The following MDH2 variants were observed in gnomAD, a reference collection of about 807,000 sequenced individuals.
MDH2 encodes the protein malate dehydrogenase 2.
Under a neutral mutation model 33.6 loss-of-function variants are expected in MDH2, and 25 were observed. The ratio of observed to expected loss-of-function variants is 0.74; its 90% confidence interval spans 0.54 to 1.04. The LOEUF is 1.04. Among genes scored for constraint, MDH2 ranks in the 50% least tolerant of loss-of-function variants. The pLI is 0.00. For missense variants in MDH2, 432 were observed against 445.0 expected, an observed-to-expected ratio of 0.97 and a Z score of 0.26; for synonymous variants, 193 against 188.7, an observed-to-expected ratio of 1.02 and a Z score of -0.19.
chr7:76,060,560 A>T, intron 5 of MDH2, 62 bp downstream of exon 5: 6 of 1,594,344 alleles, frequency 3.8e-6, no homozygotes, highest in Non-Finnish European at 5.1e-6. Flanking sequence ...ACCCGTGCTC[A>T]TTTACGGGCG....
intron 5 of MDH2, among the ~76,000 whole-genome samples, chr7:76,061,261 T>C (rs1174141216): frequency 2.0e-5 from 3 of 152,172 alleles, no homozygotes; most frequent in South Asian, 2.1e-4. Context: ...TGCGGCATGG[T>C]AGGAAGTGCA....
chr7:76,058,321 C>T, intron 4 of MDH2: 1 of 481,606 alleles, frequency 2.1e-6, no homozygotes, highest in Non-Finnish European at 3.7e-6. Context: ...GTGCTGTGGG[C>T]AGACCACGTC....
intron 1 of MDH2, chr7:76,054,474 C>A (rs1030570332): frequency 2.9e-4 from 80 of 278,172 alleles, no homozygotes; most frequent in Admixed American, 4.0e-4. Context: ...CCGGGAGGGC[C>A]TGTTGCTAGG....
intron 2 of MDH2, 38 bp downstream of exon 2, chr7:76,055,036 C>T (rs1554586049): frequency 2.6e-6 from 4 of 1,558,436 alleles, no homozygotes; most frequent in East Asian, 2.3e-5. Flanking sequence ...TGCTTCCTGT[C>T]CCCAGTAGGC....
chr7:76,060,600 G>A (rs572840089), intron 5 of MDH2, 102 bp downstream of exon 5: 54 of 1,501,292 alleles, frequency 3.6e-5, no homozygotes, highest in South Asian at 1.0e-4. Flanking sequence ...CCCAGGTCAC[G>A]TGTCACTTTG....
At chr7:76,051,669 T>TATAA (rs1554585454) in intron 1 of MDH2, among the ~76,000 whole-genome samples, 20 of 152,314 alleles carry the variant, frequency 1.3e-4, no homozygotes, top group Admixed American at 1.3e-3. Flanking sequence ...ATAGCCCCAA[T>TATAA]GTATTTACTT....
intron 1 of MDH2, among the ~76,000 whole-genome samples, chr7:76,053,671 C>T (rs6964165): frequency 0.052 from 7,941 of 152,146 alleles, 676 homozygotes; most frequent in African/African-American, 0.18. Flanking sequence ...TGCTGTCAGG[C>T]CCCAGATGAC....
chr7:76,067,422 A>G lies in MDH2; in HGVS notation c.*1012A>G, dbSNP rs1563555545. Reference sequence around the variant, plus strand: ...AATGGATTTTATCATAAAGGATGACATCGTTTTCTTCTACAATTAATACAT... The same window carrying G: ...AATGGATTTTATCATAAAGGATGACGTCGTTTTCTTCTACAATTAATACAT... On this transcript the variant is annotated 3_prime_UTR_variant, in exon 9 of 9. Coordinates refer to ENST00000315758, the MANE Select transcript of MDH2 (RefSeq NM_005918.4). The G allele has an allele frequency of 6.6e-6, 1 of 152,248 alleles. No individual in the cohort carries two copies. The highest frequency in any genetic ancestry group is 2.4e-5 in the African/African-American group (1 of 41,476). 9.4% of individuals were successfully genotyped at this position (152,248 alleles called of 1,614,324 possible).
At position 76,067,371 on chromosome 7, in the gene MDH2, TG is replaced by T. The variant is rs1798120902; in HGVS notation, c.*962del. The stretch of plus-strand genomic sequence containing the variant: ...TGTTCATCTGTCCACAACAGCTTTT[TG>T]TTTTTTTAAAAAAGCTAAAATGGAA... On this transcript the variant is annotated 3_prime_UTR_variant, in exon 9 of 9. Transcript: ENST00000315758. The T allele has an allele frequency of 1.3e-5, 2 of 152,338 alleles. No homozygotes were observed. Among genetic ancestry groups the T allele is most frequent in the African/African-American group, 4.8e-5 (2 of 41,574 alleles). The allele number at this position is 152,338 out of a possible 1,614,324, so 9.4% of individuals were successfully genotyped here.
intron 8 of MDH2, chr7:76,065,182 G>A (rs1798062697): frequency 6.2e-6 from 3 of 487,680 alleles, no homozygotes; most frequent in African/African-American, 3.9e-5. Flanking sequence ...CAGTTTGACA[G>A]CGGGTGCCCA....
At chr7:76,064,006 G>A (rs1302729233) in intron 6 of MDH2, among the ~76,000 whole-genome samples, 1 of 152,168 alleles carries the variant, frequency 6.6e-6, no homozygotes, top group Admixed American at 6.5e-5. Context: ...TGAAGCCTGG[G>A]CGACAGAGCC....
intron 1 of MDH2, among the ~76,000 whole-genome samples, chr7:76,053,874 C>G (rs577280407): frequency 2.0e-5 from 3 of 152,116 alleles, no homozygotes; most frequent in Non-Finnish European, 4.4e-5. Context: ...AGAGTGCCTT[C>G]GAATAACGGG....
At chr7:76,057,355 C>T (rs1797814455) in intron 2 of MDH2, 55 bp from the exon 3 acceptor site, 6 of 1,602,576 alleles carry the variant, frequency 3.7e-6, no homozygotes, top group Non-Finnish European at 5.1e-6. Flanking sequence ...CTGAACTTTC[C>T]AGGCCTCTCT....
chr7:76,055,830 A>ATTTT (rs34519552), intron 2 of MDH2, among the ~76,000 whole-genome samples: 1 of 141,954 alleles, frequency 7.0e-6, no homozygotes, highest in Admixed American at 7.1e-5. Context: ...ATGTCACCAA[A>ATTTT]TTTTTTTTTT....
At chr7:76,050,951 G>C (rs533780645) in intron 1 of MDH2, among the ~76,000 whole-genome samples, 1 of 151,698 alleles carries the variant, frequency 6.6e-6, no homozygotes, top group Admixed American at 6.6e-5. Context: ...GCGTGATCTC[G>C]GCTCACTGCA....
intron 2 of MDH2, among the ~76,000 whole-genome samples, chr7:76,056,697 T>C (rs1202903255): frequency 1.3e-5 from 2 of 152,220 alleles, no homozygotes; most frequent in East Asian, 3.9e-4. Context: ...ACGTTTTCTT[T>C]CCTGGCCTTC....
At chr7:76,065,398 T>C (rs782722132) in intron 8 of MDH2, among the ~76,000 whole-genome samples, 8 of 152,138 alleles carry the variant, frequency 5.3e-5, no homozygotes, top group Non-Finnish European at 8.8e-5. Flanking sequence ...GTCTTACTCA[T>C]ACCCCCTCAA....
At chr7:76,061,209 C>A (rs1329454489) in intron 5 of MDH2, among the ~76,000 whole-genome samples, 1 of 152,200 alleles carries the variant, frequency 6.6e-6, no homozygotes, top group African/African-American at 2.4e-5. Flanking sequence ...TTCTCTTGAG[C>A]TTCAGGCCTT....
At chr7:76,050,199 T>G (rs1554585209) in intron 1 of MDH2, among the ~76,000 whole-genome samples, 1 of 152,102 alleles carries the variant, frequency 6.6e-6, no homozygotes, top group East Asian at 1.9e-4. Flanking sequence ...CTGGGTAATT[T>G]TTGTAGTTTT....
Sources: allele counts gnomAD v4.1 joint callset (sites outside exome capture counted in the v4.1 genomes callset), GRCh38; gene constraint gnomAD v4.1.1; transcripts MANE v1.5; gene names NCBI Gene and HGNC (gene_info 2026-07-23, HGNC 2026-07-21).